Variants in ANO3 observed in about 807,000 individuals in gnomAD.
The protein encoded by ANO3 is anoctamin 3, also known as anoctamin-3.
A neutral mutation model predicts 144.8 loss-of-function variants in ANO3; 99 were observed. The ratio of observed to expected loss-of-function variants is 0.68; its 90% CI spans 0.58 to 0.81. The LOEUF (loss-of-function observed/expected upper bound fraction) is 0.81. ANO3 is among the 30% of genes least tolerant of loss of function. ANO3 has a pLI of 0.00. For synonymous variants in ANO3, 414 were observed against 392.6 expected, an observed-to-expected ratio of 1.05 and a Z score of -0.64; for missense variants, 905 against 1,202.2, an observed-to-expected ratio of 0.75 and a Z score of 3.66.
intron 1 of ANO3, among the ~76,000 whole-genome samples, chr11:26,369,562 T>A (rs1346444698): frequency 2.6e-5 from 4 of 152,202 alleles, no homozygotes; most frequent in Non-Finnish European, 4.4e-5. Context: ...TTATCAAGTT[T>A]TTCCCTTTTC....
At chr11:26,327,285 T>C (rs1458685556), upstream of ANO3, among the ~76,000 whole-genome samples, 1 of 152,164 alleles carries the variant, frequency 6.6e-6, no homozygotes, top group African/African-American at 2.4e-5. Context: ...GGTAGAAAAG[T>C]ATGCGCCTAC....
intron 17 of ANO3, among the ~76,000 whole-genome samples, chr11:26,607,438 C>T (rs1404596103): frequency 6.6e-6 from 1 of 152,158 alleles, no homozygotes. Flanking sequence ...TTCTCCTCAT[C>T]TCCTTTATAT....
chr11:26,286,476 C>T (rs1853809759), intron 1 of ANO3, among the ~76,000 whole-genome samples: 1 of 152,130 alleles, frequency 6.6e-6, no homozygotes, highest in Admixed American at 6.6e-5. Context: ...TTTTAAGTTT[C>T]CCCCGTGATT....
chr11:26,342,676 T>C (rs1250113416), intron 1 of ANO3, among the ~76,000 whole-genome samples: 1 of 152,188 alleles, frequency 6.6e-6, no homozygotes, highest in Admixed American at 6.5e-5. Flanking sequence ...TTGTAACTAA[T>C]ATATTTATAA....
At chr11:26,508,000 C>A in intron 4 of ANO3, 104 bp from the exon 5 acceptor site, 1 of 991,270 alleles carries the variant, frequency 1.0e-6, no homozygotes, top group Non-Finnish European at 1.5e-6. Flanking sequence ...ATTAAAAATA[C>A]ATTTTTTGAT....
At chr11:26,274,925 A>C (rs1267922976) in intron 1 of ANO3, among the ~76,000 whole-genome samples, 2 of 152,046 alleles carry the variant, frequency 1.3e-5, no homozygotes, top group South Asian at 2.1e-4. Flanking sequence ...GGGGAAGAGA[A>C]GAAGGAAACC....
chr11:26,208,850 A>G (rs754867544), intron 1 of ANO3, among the ~76,000 whole-genome samples: 1 of 152,144 alleles, frequency 6.6e-6, no homozygotes, highest in Non-Finnish European at 1.5e-5. Flanking sequence ...TGAAGACATA[A>G]ATATATTTTT....
intron 4 of ANO3, among the ~76,000 whole-genome samples, chr11:26,504,649 G>C (rs187734498): frequency 6.6e-6 from 1 of 152,264 alleles, no homozygotes; most frequent in East Asian, 1.9e-4. Context: ...TAGAGGAGAG[G>C]AGTTACATTA....
chr11:26,556,559 A>G (rs899672866), intron 13 of ANO3, among the ~76,000 whole-genome samples: 1 of 152,130 alleles, frequency 6.6e-6, no homozygotes, highest in South Asian at 2.1e-4. Context: ...TGAAATTTAG[A>G]ATCAATTGGT....
intron 1 of ANO3, among the ~76,000 whole-genome samples, chr11:26,310,704 TC>T (rs769901716): frequency 9.2e-5 from 14 of 152,208 alleles, no homozygotes; most frequent in Non-Finnish European, 1.6e-4. Context: ...TAACTGCCAG[TC>T]CCCACAGCAG....
intron 14 of ANO3, chr11:26,566,031 G>T (rs1850568291): frequency 2.1e-6 from 2 of 964,526 alleles, no homozygotes; most frequent in Admixed American, 3.5e-5. Context: ...TTCCAAAATT[G>T]CTTATTTTGG....
At chr11:26,196,207 C>G (rs999515963) in intron 1 of ANO3, among the ~76,000 whole-genome samples, 1 of 152,004 alleles carries the variant, frequency 6.6e-6, no homozygotes, top group Admixed American at 6.6e-5. Flanking sequence ...GTGTTAATTG[C>G]AAAAAATACA....
chr11:26,410,535 A>T (rs1857402054), intron 1 of ANO3, among the ~76,000 whole-genome samples: 1 of 151,946 alleles, frequency 6.6e-6, no homozygotes, highest in African/African-American at 2.4e-5. Context: ...TTGAAGGGAG[A>T]TGATGTGGCT....
At chr11:26,656,937 T>C (rs1034859644) in intron 26 of ANO3, among the ~76,000 whole-genome samples, 7 of 152,100 alleles carry the variant, frequency 4.6e-5, no homozygotes, top group Non-Finnish European at 8.8e-5. Flanking sequence ...CTTGAGAACA[T>C]TTTATTTAAA....
At chr11:26,236,448 T>C (rs1852524342) in intron 1 of ANO3, among the ~76,000 whole-genome samples, 3 of 152,070 alleles carry the variant, frequency 2.0e-5, no homozygotes, top group Admixed American at 1.3e-4. Flanking sequence ...AATAAAAGAA[T>C]AAAAATATTT....
At chr11:26,626,635 G>A (rs1852593704) in intron 18 of ANO3, among the ~76,000 whole-genome samples, 1 of 152,146 alleles carries the variant, frequency 6.6e-6, no homozygotes, top group Admixed American at 6.5e-5. Flanking sequence ...GGAAATCCTA[G>A]TGACAAACCT....
chr11:26,286,469 TAA>T (rs1853809690), intron 1 of ANO3, among the ~76,000 whole-genome samples: 1 of 152,238 alleles, frequency 6.6e-6, no homozygotes. Flanking sequence ...CATCATTTTT[TAA>T]GTTTCCCCCG....
chr11:26,394,371 A>G (rs1044935630), intron 1 of ANO3, among the ~76,000 whole-genome samples: 1 of 152,128 alleles, frequency 6.6e-6, no homozygotes, highest in Non-Finnish European at 1.5e-5. Context: ...AACATTTTAT[A>G]TATTACAAAT....
chr11:26,237,269 C>T (rs1446413885), intron 1 of ANO3, among the ~76,000 whole-genome samples: 2 of 152,068 alleles, frequency 1.3e-5, no homozygotes, highest in African/African-American at 4.8e-5. Flanking sequence ...TTGTAACCTG[C>T]AAAATTTTTA....
Sources: allele counts gnomAD v4.1 joint callset (sites outside exome capture counted in the v4.1 genomes callset), GRCh38; gene constraint gnomAD v4.1.1; transcripts MANE v1.5; gene names NCBI Gene and HGNC (gene_info 2026-07-23, HGNC 2026-07-21).